The following OPA1 variants were observed in gnomAD, a reference collection of about 807,000 sequenced individuals.
The protein encoded by OPA1 is dynamin-like GTPase OPA1, mitochondrial.
A neutral mutation model predicts 152.9 loss-of-function variants in OPA1; 59 were observed. The observed-to-expected ratio is 0.39, with a 90% CI of 0.31 to 0.48. The LOEUF is 0.48. OPA1 is among the 20% of genes least tolerant of loss of function. The pLI is 0.96. For missense variants in OPA1, 1,008 were observed against 1,216.8 expected, an observed-to-expected ratio of 0.83 and a Z score of 2.55; for synonymous variants, 400 against 389.9, an observed-to-expected ratio of 1.03 and a Z score of -0.31.
intron 1 of OPA1, among the ~76,000 whole-genome samples, chr3:193,598,509 T>G (rs1035972792): frequency 2.0e-5 from 3 of 152,216 alleles, no homozygotes; most frequent in Non-Finnish European, 4.4e-5. Flanking sequence ...AGTGCTTTAT[T>G]TCCCTGGGTA....
At chr3:193,610,800 T>C (rs572077338) in intron 1 of OPA1, among the ~76,000 whole-genome samples, 47 of 152,246 alleles carry the variant, frequency 3.1e-4, no homozygotes, top group Non-Finnish European at 6.0e-4. Flanking sequence ...GTGCTAGCAA[T>C]GAGCGAGGCT....
chr3:193,648,604 A>C (rs1711618165), intron 20 of OPA1, 191 bp from the exon 21 acceptor site: 1 of 533,334 alleles, frequency 1.9e-6, no homozygotes, highest in African/African-American at 1.9e-5. Flanking sequence ...TATTTATGTC[A>C]GTTTCTTTGT....
Position 193,685,767 on chromosome 3 carries a change from TAAAC to T in OPA1, c.2984-6292_2984-6289del, listed in dbSNP as rs138191426. 3.1e-3 allele frequency among the ~76,000 whole-genome samples: 467 copies of T among 152,206 alleles called. 3 individuals carry two copies. Among genetic ancestry groups the T allele is most frequent in the South Asian group, 0.017 (81 of 4,830 alleles). ...CAATAAATAAAAAGATACTAAGGAA[TAAAC>T]AAAAAAAATTTAAAAGATGAAGTAT... On this transcript the variant is annotated intron_variant, in intron 29 of 30. Coordinates refer to ENST00000361510, the MANE Select transcript of OPA1 (RefSeq NM_130837.3).
intron 29 of OPA1, among the ~76,000 whole-genome samples, chr3:193,678,773 G>A (rs1003618755): frequency 6.6e-6 from 1 of 152,026 alleles, no homozygotes; most frequent in Non-Finnish European, 1.5e-5. Context: ...TTGGGACCTG[G>A]CCTTCCTTTG....
intron 1 of OPA1, chr3:193,596,841 G>A (rs765963461): frequency 1.2e-4 from 18 of 152,202 alleles, no homozygotes; most frequent in Non-Finnish European, 2.1e-4. Flanking sequence ...AAGTGGATCA[G>A]CAAGAACATA....
At chr3:193,628,713 A>C (rs1731575489) in intron 7 of OPA1, 1 of 152,224 alleles carries the variant, frequency 6.6e-6, no homozygotes, top group Non-Finnish European at 1.5e-5. Context: ...TCAGTAAAGC[A>C]CATCAAAATA....
Position 193,631,630 on chromosome 3 carries a change from A to G in OPA1, c.808A>G (p.Ile270Val), listed in dbSNP as rs747318052. 13 of 1,612,172 alleles carry G rather than the reference A, an allele frequency of 8.1e-6. No individual in the cohort carries two copies. Among genetic ancestry groups the G allele is most frequent in the Non-Finnish European group, 1.1e-5 (13 of 1,178,442 alleles). The change falls in exon 8 of 31, where the codon ATT becomes GTT. Residue 270 changes from isoleucine to valine, a missense_variant. Ile to Val is a conservative substitution (Grantham distance 29). Transcript: ENST00000361510. ...QKRKVSDKEK[I>V]DQLQEELLHT... ...CATTTAGGTGTCAGACAAAGAGAAA[A>G]TTGACCAACTTCAGGAAGAACTTCT... is the stretch of plus-strand genomic sequence containing the variant.
Position 193,696,689 on chromosome 3 carries a change from A to G in OPA1, c.*2089A>G, listed in dbSNP as rs1251814666. The G allele has an allele frequency of 2.0e-5, 3 of 152,204 alleles. No individual in the cohort carries two copies. Among genetic ancestry groups the G allele is most frequent in the African/African-American group, 7.2e-5 (3 of 41,420 alleles). 9.4% of individuals were successfully genotyped at this position (152,204 alleles called of 1,614,324 possible). ...AAATGATTCTAATTTAAACAAAAAG[A>G]TACTAAATATACAGAAGTTAAATTC... On this transcript the variant is annotated 3_prime_UTR_variant, in exon 31 of 31. Coordinates refer to ENST00000361510, the MANE Select transcript of OPA1 (RefSeq NM_130837.3).
chr3:193,601,093 T>A (rs1275811158), intron 1 of OPA1, among the ~76,000 whole-genome samples: 1 of 152,208 alleles, frequency 6.6e-6, no homozygotes, highest in Non-Finnish European at 1.5e-5. Context: ...TGTGCCTTTC[T>A]GAGAGTAGCT....
Position 193,643,201 on chromosome 3 carries a change from G to A in OPA1, c.1305+152G>A. On this transcript the variant is annotated intron_variant, in intron 13 of 30. Transcript: ENST00000361510. ...AATCCAAATAATATATCATTTTGTG[G>A]GTAATTTTCCAGAATAATTACTTTT... 3.3e-6 allele frequency: 3 copies of A among 911,292 alleles called. No homozygotes were observed. In the South Asian group the frequency reaches 4.5e-5, roughly 14 times the overall value. The allele number at this position is 911,292 out of a possible 1,614,324, so 56.5% of individuals were successfully genotyped here.
At chr3:193,637,357 T>C in intron 10 of OPA1, 76 bp downstream of exon 10, 20 of 858,932 alleles carry the variant, frequency 2.3e-5, no homozygotes, top group Non-Finnish European at 3.4e-5. Context: ...ATTATGTGTA[T>C]ATATGTACAC....
At chr3:193,684,220 A>G (rs1330399115) in intron 29 of OPA1, among the ~76,000 whole-genome samples, 2 of 152,214 alleles carry the variant, frequency 1.3e-5, no homozygotes, top group African/African-American at 2.4e-5. Flanking sequence ...TAACATGCGT[A>G]GTTCTAGGGA....
chr3:193,670,665 C>G (rs1019937692), intron 29 of OPA1, among the ~76,000 whole-genome samples: 5 of 152,090 alleles, frequency 3.3e-5, no homozygotes, highest in Non-Finnish European at 7.3e-5. Context: ...CATGCCCAGC[C>G]CTGACTGCCC....
chr3:193,594,139 G>A (rs1051093222), intron 1 of OPA1, among the ~76,000 whole-genome samples: 6 of 152,012 alleles, frequency 3.9e-5, no homozygotes, highest in Admixed American at 1.3e-4. Context: ...ATTTCTGTGC[G>A]TTACTATATG....
At position 193,636,018 on chromosome 3, in the gene OPA1, G is replaced by T. The variant is rs368906396; in HGVS notation, c.948+496G>T. Among the ~76,000 whole-genome samples, 14 of 152,216 alleles carry T rather than the reference G, an allele frequency of 9.2e-5. No homozygotes were observed. In the South Asian group the frequency reaches 2.7e-3, roughly 29 times the overall value. On this transcript the variant is annotated intron_variant, in intron 9 of 30. Transcript: ENST00000361510. ...TGGTATTGTTACTATCAGCACATTG[G>T]TGAACTTATTTACCAATAAATCAAG...
chr3:193,648,388 G>A, intron 20 of OPA1: 1 of 426,112 alleles, frequency 2.3e-6, no homozygotes, highest in Non-Finnish European at 4.2e-6. Flanking sequence ...TAATGAATGT[G>A]CTTTAAAGGT....
intron 8 of OPA1, among the ~76,000 whole-genome samples, chr3:193,632,842 A>C (rs1391580796): frequency 3.9e-5 from 6 of 152,226 alleles, no homozygotes. Context: ...TGGCCAATAG[A>C]GCAAGACCCT....
intron 1 of OPA1, among the ~76,000 whole-genome samples, chr3:193,608,872 T>C (rs2108832617): frequency 6.6e-6 from 1 of 152,318 alleles, no homozygotes; most frequent in African/African-American, 2.4e-5. Context: ...GCTTGCTTTA[T>C]GAATCTGGGT....
chr3:193,600,216 G>C (rs1726256270), intron 1 of OPA1, among the ~76,000 whole-genome samples: 1 of 152,106 alleles, frequency 6.6e-6, no homozygotes, highest in Non-Finnish European at 1.5e-5. Context: ...AAAACTTTAG[G>C]CGTTGACACC....
Sources: gnomAD v4.1 joint callset for allele counts (sites outside exome capture counted in the v4.1 genomes callset) on GRCh38, gnomAD v4.1.1 for gene constraint, MANE v1.5 for transcripts, NCBI Gene and HGNC (gene_info 2026-07-23, HGNC 2026-07-21) for gene names.